The following SAGE1 variants were observed in gnomAD, a reference collection of about 807,000 sequenced individuals.
SAGE1 encodes the protein cancer/testis antigen 14.
SAGE1 carries 55 observed loss-of-function variants against 55.4 expected under a neutral mutation model. The ratio of observed to expected loss-of-function variants is 0.99; its 90% CI spans 0.80 to 1.24. SAGE1 has a LOEUF of 1.24. Among genes scored for constraint, SAGE1 ranks in the 50% most tolerant of loss-of-function variants. The pLI is 0.00. For synonymous variants in SAGE1, 240 were observed against 244.3 expected (o/e 0.98, Z 0.17); for missense variants, 710 against 704.4 (o/e 1.01, Z -0.09).
At chrX:135,894,592 C>G (rs1314221093) in intron 1 of SAGE1, among the ~76,000 whole-genome samples, 1 of 107,905 alleles carries the variant, frequency 9.3e-6, no homozygotes, top group African/African-American at 3.4e-5. Flanking sequence ...TTTTTTTCAC[C>G]TTTTCGGTGA....
At position 135,909,620 on chromosome X, in the gene SAGE1, C is replaced by T; in HGVS notation, c.1583-19C>T. The T allele has an allele frequency of 8.4e-7, 1 of 1,184,549 alleles. No homozygotes were observed. Among genetic ancestry groups the T allele is most frequent in the Non-Finnish European group, 1.1e-6 (1 of 881,433 alleles). ...TAATGCACTTACGTCACAAGTCAAC[C>T]TCTTTATTTGGTTTCCAGATGCTAC... On this transcript the variant is annotated intron_variant, in intron 13 of 19. Coordinates refer to ENST00000370709, the MANE Select transcript of SAGE1 (RefSeq NM_001381902.1).
At chrX:135,911,476 G>A in intron 17 of SAGE1, 103 bp from the exon 18 acceptor site, 1 of 876,530 alleles carries the variant, frequency 1.1e-6, no homozygotes, top group East Asian at 3.1e-5. Context: ...GTATCCTCTT[G>A]CTTCATGAGA....
chrX:135,896,147 C>A, intron 1 of SAGE1, 96 bp from the exon 2 acceptor site: 1 of 575,581 alleles, frequency 1.7e-6, no homozygotes, highest in Non-Finnish European at 3.0e-6. Flanking sequence ...TCATATATTT[C>A]AGCTGTATAG....
At chrX:135,901,787 G>C in intron 3 of SAGE1, 96 bp downstream of exon 3, 1 of 822,471 alleles carries the variant, frequency 1.2e-6, no homozygotes, top group Non-Finnish European at 1.7e-6. Flanking sequence ...ATTTGCAAGT[G>C]GAAGGGCAAG....
At chrX:135,895,230 C>T (rs1392211623) in intron 1 of SAGE1, among the ~76,000 whole-genome samples, 5 of 111,663 alleles carry the variant, frequency 4.5e-5, no homozygotes, top group African/African-American at 9.8e-5. Context: ...ATTGCACACA[C>T]GAATACTATA....
chrX:135,905,885 C>A, intron 5 of SAGE1, 139 bp from the exon 6 acceptor site: 1 of 522,945 alleles, frequency 1.9e-6, no homozygotes. Context: ...GCCTAAAATT[C>A]AGGGGTCTCA....
intron 5 of SAGE1, 144 bp from the exon 6 acceptor site, chrX:135,905,878 TAA>T: frequency 1.9e-6 from 1 of 518,379 alleles, no homozygotes; most frequent in Non-Finnish European, 3.1e-6. Flanking sequence ...TTTTCTGGCC[TAA>T]AATTCAGGGG....
At chrX:135,910,834 G>A (rs782371130) in intron 16 of SAGE1, among the ~76,000 whole-genome samples, 28 of 111,413 alleles carry the variant, frequency 2.5e-4, no homozygotes, top group African/African-American at 8.5e-4. Context: ...TGTCCGTGGA[G>A]AGAAGATAAA....
chrX:135,913,001 C>T lies in SAGE1; in HGVS notation c.*104C>T. The T allele has an allele frequency of 5.8e-6, 3 of 513,206 alleles. No individual in the cohort carries two copies. Among genetic ancestry groups the T allele is most frequent in the Non-Finnish European group, 9.6e-6 (3 of 311,791 alleles). The allele number at this position is 513,206 out of a possible 1,213,427, so 42.3% of individuals were successfully genotyped here. ...ATCCTGAAATGAAGAGAATTCCCTT[C>T]CAGAAGCTACGAAAAAGGGAGCTGT... On this transcript the variant is annotated 3_prime_UTR_variant, in exon 20 of 20. Transcript: ENST00000370709.
intron 2 of SAGE1, among the ~76,000 whole-genome samples, chrX:135,897,820 C>T (rs2088609512): frequency 9.1e-6 from 1 of 109,896 alleles, no homozygotes; most frequent in Non-Finnish European, 1.9e-5. Flanking sequence ...CTGATGCATT[C>T]CCTCCCCCAA....
chrX:135,910,272 C>T (rs1239691977), intron 15 of SAGE1, 102 bp downstream of exon 15: 8 of 1,039,893 alleles, frequency 7.7e-6, no homozygotes, highest in Non-Finnish European at 1.1e-5. Context: ...TTTCAGGCCT[C>T]AATTTTAGGG....
At position 135,908,634 on chromosome X, in the gene SAGE1, G is replaced by A. The variant is rs1481362154; in HGVS notation, c.1441+17G>A. 8.6e-7 allele frequency: 1 copy of A among 1,165,788 alleles called. No homozygotes were observed. Among genetic ancestry groups the A allele is most frequent in the East Asian group, 3.0e-5 (1 of 33,537 alleles). ...GGGATCTGTGTATGTGTGTTTTTTAGTTATACCATCCTCCTTGATTTCCAT... is the reference window on the plus strand; with the variant it reads ...GGGATCTGTGTATGTGTGTTTTTTAATTATACCATCCTCCTTGATTTCCAT... On this transcript the variant is annotated intron_variant, in intron 12 of 19. Coordinates refer to ENST00000370709, the MANE Select transcript of SAGE1 (RefSeq NM_001381902.1).
Position 135,909,699 on chromosome X carries a change from G to A in SAGE1, c.1643G>A (p.Ser548Asn), listed in dbSNP as rs1384921553. ...ATGGAAAATAACCAACCACAACCTAGTTATGACTTGTCAACTGTTCTACCA... is the reference window on the plus strand; with the variant it reads ...ATGGAAAATAACCAACCACAACCTAATTATGACTTGTCAACTGTTCTACCA... ...ERMENNQPQP[S>N]YDLSTVLPGL... Residue 548 changes from serine (S) to asparagine (N), a missense_variant, in exon 14 of 20, where the codon AGT becomes AAT. By Grantham distance (46) the Ser-to-Asn change is conservative. Transcript: ENST00000370709. 1.7e-6 allele frequency: 2 copies of A among 1,197,268 alleles called. No individual in the cohort carries two copies. Among genetic ancestry groups the A allele is most frequent in the African/African-American group, 3.6e-5 (2 of 56,275 alleles).
At chrX:135,904,608 A>AGAGATCTGTGTATGTCT (rs202101349) in intron 4 of SAGE1, 39 bp downstream of exon 4, 67 of 871,584 alleles carry the variant, frequency 7.7e-5, no homozygotes, top group Non-Finnish European at 9.7e-5. Flanking sequence ...CATGAGTATG[A>AGAGATCTGTGTATGTCT]AATTCATCCA....
intron 19 of SAGE1, 38 bp from the exon 20 acceptor site, chrX:135,912,760 G>A: frequency 8.4e-7 from 1 of 1,194,318 alleles, no homozygotes; most frequent in Non-Finnish European, 1.1e-6. Context: ...AGATCCTGTA[G>A]GTATCCTCTG....
chrX:135,902,745 C>T (rs2088700230), intron 3 of SAGE1, among the ~76,000 whole-genome samples: 1 of 111,708 alleles, frequency 9.0e-6, no homozygotes, highest in African/African-American at 3.3e-5. Flanking sequence ...TGAGTTATCT[C>T]ATGATTCTTT....
intron 2 of SAGE1, among the ~76,000 whole-genome samples, chrX:135,898,048 C>A (rs1195533651): frequency 2.7e-5 from 3 of 111,651 alleles, no homozygotes; most frequent in African/African-American, 9.8e-5. Context: ...GACGGAGTCA[C>A]GCTCTGTCGC....
At position 135,907,711 on chromosome X, in the gene SAGE1, C is replaced by A. The variant is rs781840176; in HGVS notation, c.1029C>A (p.Ile343=). ...GMNTRDQYAT[I]THNVCEERVV... ...TCATTTGGTTTCCAGATGCTACCAT[C>A]ACTCACAATGTCTGTGAAGAGAGAG... The change falls in exon 10 of 20, where the codon ATC becomes ATA. Residue 343 remains isoleucine, a synonymous_variant. Transcript: ENST00000370709. The A allele has an allele frequency of 8.3e-7, 1 of 1,209,271 alleles. No individual in the cohort carries two copies. Among genetic ancestry groups the A allele is most frequent in the Non-Finnish European group, 1.1e-6 (1 of 893,967 alleles).
At chrX:135,902,356 G>T (rs1216005433) in intron 3 of SAGE1, among the ~76,000 whole-genome samples, 3 of 111,845 alleles carry the variant, frequency 2.7e-5, no homozygotes, top group African/African-American at 9.8e-5. Flanking sequence ...TCTTTACTGG[G>T]TGTCTAATAG....
Sources: allele counts gnomAD v4.1 joint callset (sites outside exome capture counted in the v4.1 genomes callset), GRCh38; gene constraint gnomAD v4.1.1; transcripts MANE v1.5; gene names NCBI Gene and HGNC (gene_info 2026-07-23, HGNC 2026-07-21).